Variants in IVNS1ABP observed in about 807,000 individuals in gnomAD.
IVNS1ABP encodes influenza virus NS1A-binding protein.
IVNS1ABP carries 25 observed loss-of-function variants against 78.9 expected under a neutral mutation model. The ratio of observed to expected loss-of-function variants is 0.32; its 90% CI spans 0.23 to 0.44. IVNS1ABP has a LOEUF of 0.44. Among genes scored for constraint, IVNS1ABP ranks in the 20% least tolerant of loss-of-function variants. The pLI is 1.00. For synonymous variants in IVNS1ABP, 241 were observed against 259.7 expected (o/e 0.93, Z 0.69); for missense variants, 494 against 768.9 (o/e 0.64, Z 4.23).
chr1:185,310,339 G>A (rs950819346), intron 2 of IVNS1ABP, among the ~76,000 whole-genome samples: 15 of 152,136 alleles, frequency 9.9e-5, no homozygotes, highest in African/African-American at 3.6e-4. Flanking sequence ...TGGGCGCTAT[G>A]GCTCACACCT....
chr1:185,308,689 A>C, intron 5 of IVNS1ABP, 111 bp downstream of exon 5: 1 of 760,896 alleles, frequency 1.3e-6, no homozygotes, highest in Non-Finnish European at 2.2e-6. Context: ...GAGGGAAAAA[A>C]GGGACATGTT....
At chr1:185,308,201 G>A (rs1358776124) in intron 5 of IVNS1ABP, among the ~76,000 whole-genome samples, 2 of 152,176 alleles carry the variant, frequency 1.3e-5, no homozygotes, top group Non-Finnish European at 2.9e-5. Flanking sequence ...TTCTTAAAGG[G>A]CCAGATAGTA....
At chr1:185,306,589 T>G (rs963105041) in intron 7 of IVNS1ABP, 2 of 1,264,010 alleles carry the variant, frequency 1.6e-6, no homozygotes, top group African/African-American at 3.1e-5. Context: ...TTCTTCTTGT[T>G]TCTTCAGTCT....
chr1:185,312,441 C>A (rs1004642519), intron 1 of IVNS1ABP, among the ~76,000 whole-genome samples: 1 of 152,138 alleles, frequency 6.6e-6, no homozygotes, highest in African/African-American at 2.4e-5. Context: ...ATCAATACAA[C>A]AATTCTAAAT....
rs1665824408 is a variant in IVNS1ABP at position 185,309,308 on chromosome 1, G to C, written c.111+75C>G. Reference sequence around the variant, plus strand: ...CATTTCATTAAATGCCTATGAAAAAGAAATAAGCAAATCTAAGAACTTATG... The same window carrying C: ...CATTTCATTAAATGCCTATGAAAAACAAATAAGCAAATCTAAGAACTTATG... On this transcript the variant is annotated intron_variant, in intron 3 of 14. Coordinates refer to ENST00000367498, the MANE Select transcript of IVNS1ABP (RefSeq NM_006469.5). 5 of 1,263,586 alleles carry C rather than the reference G, an allele frequency of 4.0e-6. No individual in the cohort carries two copies. In the South Asian group the frequency reaches 4.2e-5, roughly 11 times the overall value. The allele number at this position is 1,263,586 out of a possible 1,614,324, so 78.3% of individuals were successfully genotyped here.
chr1:185,312,471 G>T (rs1665913609), intron 1 of IVNS1ABP, among the ~76,000 whole-genome samples: 1 of 152,116 alleles, frequency 6.6e-6, no homozygotes, highest in African/African-American at 2.4e-5. Context: ...ACGTCAAAGT[G>T]AATAATCACT....
chr1:185,300,798 T>TA, intron 10 of IVNS1ABP, 174 bp downstream of exon 10: 1 of 690,588 alleles, frequency 1.4e-6, no homozygotes, highest in East Asian at 2.7e-5. Flanking sequence ...ATAATTTTTT[T>TA]AAAAATTAGA....
rs146998192 is a variant in IVNS1ABP at position 185,297,120 on chromosome 1, C to T, written c.*915G>A. ...ATGTAGTTTAAAGTAAATTTTTTCA[C>T]AATTGAGGGCTGCTATTTAGGACTG... On this transcript the variant is annotated 3_prime_UTR_variant, in exon 15 of 15. Transcript: ENST00000367498. 467 of 152,156 alleles carry T rather than the reference C, an allele frequency of 3.1e-3. 1 individual carries two copies. Among genetic ancestry groups the T allele is most frequent in the African/African-American group, 0.011 (443 of 41,530 alleles). 9.4% of individuals were successfully genotyped at this position (152,156 alleles called of 1,614,324 possible).
Position 185,307,582 on chromosome 1 carries a change from G to T in IVNS1ABP, c.438C>A (p.Asp146Glu), listed in dbSNP as rs376260854. The T allele has an allele frequency of 6.2e-7, 1 of 1,613,400 alleles. No homozygotes were observed. Among genetic ancestry groups the T allele is most frequent in the South Asian group, 1.1e-5 (1 of 91,074 alleles). ...CATCAACCTTATTCAACAAACGGGA[G>T]TCTCCCATACAACTTGCAAAATTTC... ...SYRNFASCMG[D>E]SRLLNKVDAY... Residue 146 changes from aspartate (D) to glutamate (E), a missense_variant, in exon 6 of 15, where the codon GAC becomes GAA. Physicochemically the swap from Asp to Glu is conservative, Grantham distance 45. Transcript: ENST00000367498.
chr1:185,305,808 G>A lies in IVNS1ABP; in HGVS notation c.658-165C>T. ...GGTAAAGAAAAATACATGTCATGGTGGTAAAAATTAAAAAACAAAAACAAA... is the reference window on the plus strand; with the variant it reads ...GGTAAAGAAAAATACATGTCATGGTAGTAAAAATTAAAAAACAAAAACAAA... On this transcript the variant is annotated intron_variant, in intron 7 of 14. Coordinates refer to ENST00000367498, the MANE Select transcript of IVNS1ABP (RefSeq NM_006469.5). This position sits in a 1 kb window ranked among gnomAD's most constrained non-coding sequence, Gnocchi z 4.0. The A allele has an allele frequency of 1.6e-5, 11 of 674,018 alleles. No individual in the cohort carries two copies. Among genetic ancestry groups the A allele is most frequent in the South Asian group, 1.5e-4 (4 of 26,652 alleles). 41.8% of individuals were successfully genotyped at this position (674,018 alleles called of 1,614,324 possible). A position where few individuals can be genotyped will look rare whatever the true frequency, so the allele number is the denominator to read the frequency against.
Position 185,297,839 on chromosome 1 carries a change from C to G in IVNS1ABP, c.*196G>C. On this transcript the variant is annotated 3_prime_UTR_variant, in exon 15 of 15. Transcript: ENST00000367498. Reference sequence around the variant, plus strand: ...ACCAAAGTCTTAAAAGTACACAAAACAGACCTTCATCTTTGCATTCCTTTC... The same window carrying G: ...ACCAAAGTCTTAAAAGTACACAAAAGAGACCTTCATCTTTGCATTCCTTTC... 1.8e-6 allele frequency: 1 copy of G among 556,894 alleles called. No individual in the cohort carries two copies. The highest frequency in any genetic ancestry group is 3.1e-6 in the Non-Finnish European group (1 of 319,134). 34.5% of individuals were successfully genotyped at this position (556,894 alleles called of 1,614,324 possible).
intron 2 of IVNS1ABP, among the ~76,000 whole-genome samples, 152 bp downstream of exon 2, chr1:185,310,943 T>C (rs943716659): frequency 2.6e-5 from 4 of 151,944 alleles, no homozygotes; most frequent in African/African-American, 9.7e-5. Flanking sequence ...AGTCAAAATA[T>C]AGAAAAGAAA....
chr1:185,308,587 A>C (rs1202743160), intron 5 of IVNS1ABP, among the ~76,000 whole-genome samples: 1 of 152,192 alleles, frequency 6.6e-6, no homozygotes, highest in Non-Finnish European at 1.5e-5. Flanking sequence ...GATTGCTGAA[A>C]GGGTCAGACT....
intron 1 of IVNS1ABP, among the ~76,000 whole-genome samples, chr1:185,311,901 C>T (rs1319199564): frequency 6.6e-6 from 1 of 152,180 alleles, no homozygotes; most frequent in African/African-American, 2.4e-5. Context: ...CCTCATCCTC[C>T]ACATTTAGAA....
intron 7 of IVNS1ABP, 98 bp downstream of exon 7, chr1:185,306,916 T>C: frequency 1.4e-6 from 2 of 1,380,804 alleles, no homozygotes; most frequent in African/African-American, 1.4e-5. Flanking sequence ...TTAAATTCTT[T>C]AGGGTCATGG....
At chr1:185,313,500 G>GGATCA (rs1363709629) in intron 1 of IVNS1ABP, among the ~76,000 whole-genome samples, 8 of 151,960 alleles carry the variant, frequency 5.3e-5, no homozygotes, top group Non-Finnish European at 8.8e-5. Context: ...AGTTTGGAGG[G>GGATCA]GATCAGATCA....
chr1:185,306,738 T>C (rs1186471276), intron 7 of IVNS1ABP: 2 of 833,972 alleles, frequency 2.4e-6, no homozygotes, highest in Admixed American at 4.4e-5. Flanking sequence ...AAAATTTCAG[T>C]ACCACTTCCC....
intron 1 of IVNS1ABP, among the ~76,000 whole-genome samples, chr1:185,313,653 G>C (rs767546038): frequency 1.3e-5 from 2 of 151,950 alleles, no homozygotes; most frequent in African/African-American, 2.4e-5. Context: ...GATAACTAGT[G>C]GAATTAAAAA....
chr1:185,311,329 CAA>C lies in IVNS1ABP; in HGVS notation c.-246-9_-246-8del. The C allele has an allele frequency of 2.5e-6, 1 of 397,422 alleles. No homozygotes were observed. Among genetic ancestry groups the C allele is most frequent in the East Asian group, 3.6e-5 (1 of 28,004 alleles). 24.6% of individuals were successfully genotyped at this position (397,422 alleles called of 1,614,324 possible). A position where few individuals can be genotyped will look rare whatever the true frequency, so the allele number is the denominator to read the frequency against. On this transcript the variant is annotated splice_polypyrimidine_tract_variant and splice_region_variant and intron_variant, in intron 1 of 14. Coordinates refer to ENST00000367498, the MANE Select transcript of IVNS1ABP (RefSeq NM_006469.5). ...GATAATGATGCATCATAATCTATAA[CAA>C]TGATAAATTTAAGTTAGATATTCAG...
Sources: allele counts gnomAD v4.1 joint callset (sites outside exome capture counted in the v4.1 genomes callset), GRCh38; gene constraint gnomAD v4.1.1; non-coding constraint Gnocchi (gnomAD v3.1); transcripts MANE v1.5; gene names NCBI Gene and HGNC (gene_info 2026-07-23, HGNC 2026-07-21).